Variants in BCL2 observed in about 807,000 individuals in gnomAD.
The protein encoded by BCL2 is apoptosis regulator Bcl-2.
In BCL2, 1 loss-of-function variant was observed where a neutral mutation model predicts 14.2. The ratio of observed to expected loss-of-function variants is 0.07; its 90% CI spans 0.02 to 0.33. BCL2 has a LOEUF of 0.33. Among genes scored for constraint, BCL2 ranks in the 10% least tolerant of loss-of-function variants. The pLI, the probability that BCL2 is intolerant of heterozygous loss-of-function variation, is 0.99. For synonymous variants in BCL2, 151 were observed against 137.2 expected, an observed-to-expected ratio of 1.10 and a Z score of -0.70; for missense variants, 247 against 305.9, an observed-to-expected ratio of 0.81 and a Z score of 1.44.
rs148496429 is a variant in BCL2, at chr18:63,193,689, G to A, written c.586-64930C>T. On this transcript the variant is annotated intron_variant, in intron 2 of 2. Transcript: ENST00000333681. ...ATATACACACACACACACATTTTCC[G>A]TATCCATGCATCTGTGAAATGACAT... Among the ~76,000 whole-genome samples the A allele has an allele frequency of 1.8e-3, 266 of 150,678 alleles. 1 individual carries two copies. The highest frequency in any genetic ancestry group is 6.1e-3 in the African/African-American group (248 of 40,952).
intron 2 of BCL2, among the ~76,000 whole-genome samples, chr18:63,240,091 G>A (rs1910956852): frequency 6.6e-6 from 1 of 152,164 alleles, no homozygotes; most frequent in African/African-American, 2.4e-5. Flanking sequence ...CTGGGCTCAA[G>A]CAATCCTCCC....
chr18:63,123,511 C>T lies in BCL2; in HGVS notation c.*5114G>A, dbSNP rs886368530. On this transcript the variant is annotated 3_prime_UTR_variant, in exon 3 of 3. Transcript: ENST00000333681. Reference sequence around the variant, plus strand: ...CCTTAACCATGTAAAGTATCCTTACCGTATTTTTTATGTGTACAGTGTTGC... The same window carrying T: ...CCTTAACCATGTAAAGTATCCTTACTGTATTTTTTATGTGTACAGTGTTGC... 1.9e-5 allele frequency: 4 copies of T among 205,214 alleles called. No homozygotes were observed. The highest frequency in any genetic ancestry group is 1.6e-3 in the Middle Eastern group (1 of 620). The allele number at this position is 205,214 out of a possible 1,614,324, so 12.7% of individuals were successfully genotyped here.
intron 2 of BCL2, among the ~76,000 whole-genome samples, chr18:63,312,560 A>C (rs996523893): frequency 6.6e-6 from 1 of 152,254 alleles, no homozygotes; most frequent in African/African-American, 2.4e-5. Context: ...AGCCCAAAAA[A>C]GTCCGAAGGC....
At chr18:63,138,984 T>C (rs532311561) in intron 2 of BCL2, among the ~76,000 whole-genome samples, 3 of 152,366 alleles carry the variant, frequency 2.0e-5, no homozygotes, top group African/African-American at 7.2e-5. Flanking sequence ...AGATGGCTTA[T>C]GCCATGGGCC....
chr18:63,124,534 T>G lies in BCL2; in HGVS notation c.*4091A>C, dbSNP rs1913860005. 1 of 232,004 alleles carries G rather than the reference T, an allele frequency of 4.3e-6. No individual in the cohort carries two copies. The highest frequency in any genetic ancestry group is 1.8e-4 in the South Asian group (1 of 5,518). 14.4% of individuals were successfully genotyped at this position (232,004 alleles called of 1,614,324 possible). On this transcript the variant is annotated 3_prime_UTR_variant, in exon 3 of 3. Coordinates refer to ENST00000333681, the MANE Select transcript of BCL2 (RefSeq NM_000633.3). ...AGGTCCTTCATACCCTTAGTTCTGG[T>G]TATTCTGAAAACTTCCAACTCCCTG... is the stretch of plus-strand genomic sequence containing the variant.
At chr18:63,132,122 TGAG>T (rs1914084780) in intron 2 of BCL2, among the ~76,000 whole-genome samples, 1 of 152,232 alleles carries the variant, frequency 6.6e-6, no homozygotes. Context: ...CCCAGGGGGC[TGAG>T]AAGGGCATGG....
chr18:63,216,226 T>C (rs182530788), intron 2 of BCL2, among the ~76,000 whole-genome samples: 2 of 152,220 alleles, frequency 1.3e-5, no homozygotes, highest in East Asian at 3.9e-4. Flanking sequence ...AAAAATATTA[T>C]GTAAAAAATA....
intron 2 of BCL2, among the ~76,000 whole-genome samples, chr18:63,161,610 T>C (rs1469591921): frequency 6.6e-6 from 1 of 152,220 alleles, no homozygotes; most frequent in Non-Finnish European, 1.5e-5. Flanking sequence ...TGAAAGTTAA[T>C]CAAGGGTCCT....
chr18:63,129,682 G>A (rs1179758278), intron 2 of BCL2, among the ~76,000 whole-genome samples: 1 of 152,236 alleles, frequency 6.6e-6, no homozygotes, highest in Non-Finnish European at 1.5e-5. Flanking sequence ...AAGTGGCAGA[G>A]CCAGGCTTTG....
chr18:63,292,508 A>G (rs928669220), intron 2 of BCL2, among the ~76,000 whole-genome samples: 8 of 152,200 alleles, frequency 5.3e-5, no homozygotes, highest in African/African-American at 1.7e-4. Flanking sequence ...CACACGTACC[A>G]TGCTAGCTGG....
At chr18:63,248,577 G>A (rs1032137249) in intron 2 of BCL2, among the ~76,000 whole-genome samples, 10 of 152,134 alleles carry the variant, frequency 6.6e-5, no homozygotes, top group African/African-American at 1.2e-4. Context: ...GAATTTCTCC[G>A]TGGTGAACTG....
At chr18:63,317,824 C>T (rs1913543510) in intron 2 of BCL2, 5 of 1,373,992 alleles carry the variant, frequency 3.6e-6, no homozygotes, top group Non-Finnish European at 2.8e-6. Context: ...CCACATCCTA[C>T]TGGATTACAA....
intron 2 of BCL2, among the ~76,000 whole-genome samples, chr18:63,278,060 T>C (rs1489226669): frequency 1.3e-5 from 2 of 152,242 alleles, no homozygotes; most frequent in African/African-American, 4.8e-5. Flanking sequence ...CACTAAACAC[T>C]GGCTGGTGAT....
chr18:63,318,622 C>T lies in BCL2; in HGVS notation c.45G>A (p.Val15=). The T allele has an allele frequency of 2.5e-6, 4 of 1,613,304 alleles. No individual in the cohort carries two copies. Among genetic ancestry groups the T allele is most frequent in the Non-Finnish European group, 3.4e-6 (4 of 1,179,662 alleles). ...GRTGYDNREI[V]MKYIHYKLSQ... ...ACAGCTTATAATGGATGTACTTCAT[C>T]ACTATCTCCCGGTTATCGTACCCTG... The change falls in exon 2 of 3, where the codon GTG becomes GTA. Residue 15 remains valine, a synonymous_variant. Coordinates refer to ENST00000333681, the MANE Select transcript of BCL2 (RefSeq NM_000633.3). The surrounding 1 kb of genome is among the most constrained non-coding windows in gnomAD (Gnocchi z 7.4).
intron 2 of BCL2, among the ~76,000 whole-genome samples, chr18:63,191,148 T>C (rs910788827): frequency 1.2e-4 from 18 of 152,250 alleles, no homozygotes; most frequent in African/African-American, 4.1e-4. Context: ...TTGTGAATAG[T>C]ACTGCAATAA....
In BCL2 at chr18:63,129,789, G is replaced by A. The variant is rs758305416; in HGVS notation, c.586-1030C>T. On this transcript the variant is annotated intron_variant, in intron 2 of 2. Transcript: ENST00000333681. ...ATTTGGTCAGTCAAGGGCTCAGTCA[G>A]TGGAGGGGCCAAGGGCGGCCTTGAC... Among the ~76,000 whole-genome samples, 156 of 152,212 alleles carry A rather than the reference G, an allele frequency of 1.0e-3. 3 individuals carry two copies. Among genetic ancestry groups the A allele is most frequent in the Non-Finnish European group, 2.9e-4 (20 of 68,052 alleles).
At chr18:63,187,610 A>G (rs900077006) in intron 2 of BCL2, among the ~76,000 whole-genome samples, 18 of 152,244 alleles carry the variant, frequency 1.2e-4, no homozygotes, top group African/African-American at 4.1e-4. Context: ...AACTTCAGAT[A>G]AAGACCATGC....
intron 2 of BCL2, chr18:63,317,782 C>T (rs1265572788): frequency 4.0e-6 from 5 of 1,252,318 alleles, no homozygotes; most frequent in Non-Finnish European, 5.0e-6. Context: ...GGACCTTCAG[C>T]TTGAGAAACA....
At chr18:63,278,275 A>G (rs1390993377) in intron 2 of BCL2, among the ~76,000 whole-genome samples, 3 of 152,218 alleles carry the variant, frequency 2.0e-5, no homozygotes, top group Admixed American at 6.5e-5. Context: ...AATACAGTCC[A>G]GATACACTTG....
Sources: allele counts gnomAD v4.1 joint callset (sites outside exome capture counted in the v4.1 genomes callset), GRCh38; gene constraint gnomAD v4.1.1; non-coding constraint Gnocchi (gnomAD v3.1); transcripts MANE v1.5; gene names NCBI Gene and HGNC (gene_info 2026-07-23, HGNC 2026-07-21).